ATP9B: variants seen among roughly 807,000 people sequenced by gnomAD.
The protein encoded by ATP9B is probable phospholipid-transporting ATPase IIB.
ATP9B carries 110 observed loss-of-function variants against 146.1 expected under a neutral mutation model. The ratio of observed to expected loss-of-function variants is 0.75; its 90% CI spans 0.65 to 0.88. ATP9B has a LOEUF of 0.88. Ranked by LOEUF, ATP9B falls within the 40% of genes least tolerant of loss-of-function variation. The probability of loss-of-function intolerance (pLI) is 0.00; values close to 1 mark genes in which losing one functional copy is unlikely to be tolerated. For missense variants in ATP9B, 1,499 were observed against 1,496.4 expected (o/e 1.00, Z -0.03); for synonymous variants, 604 against 569.7 (o/e 1.06, Z -0.86).
At chr18:79,295,890 C>G (rs899592123) in intron 13 of ATP9B, among the ~76,000 whole-genome samples, 1 of 152,222 alleles carries the variant, frequency 6.6e-6, no homozygotes, top group Non-Finnish European at 1.5e-5. Context: ...ACCAAATCTC[C>G]TGGTGCCTCA....
At chr18:79,252,797 CTTTTTTT>C (rs58656067) in intron 11 of ATP9B, among the ~76,000 whole-genome samples, 1 of 137,442 alleles carries the variant, frequency 7.3e-6, no homozygotes, top group Non-Finnish European at 1.6e-5. Context: ...CTAACTATTG[CTTTTTTT>C]TTTTTTTTTT....
Position 79,348,205 on chromosome 18 carries a change from C to T in ATP9B, c.2903+9C>T, listed in dbSNP as rs752597707. 1.4e-6 allele frequency: 2 copies of T among 1,462,858 alleles called. No individual in the cohort carries two copies. The highest frequency in any genetic ancestry group is 1.9e-6 in the Non-Finnish European group (2 of 1,068,148). 90.6% of individuals were successfully genotyped at this position (1,462,858 alleles called of 1,614,324 possible). Reference sequence around the variant, plus strand: ...GGCTTCCTCATGGTGGGGTAAGTTACACTCAGAACCTGCCAGCTCATCCAG... The same window carrying T: ...GGCTTCCTCATGGTGGGGTAAGTTATACTCAGAACCTGCCAGCTCATCCAG... On this transcript the variant is annotated intron_variant, in intron 25 of 29. Transcript: ENST00000426216.
intron 13 of ATP9B, among the ~76,000 whole-genome samples, chr18:79,290,617 C>T (rs1009321871): frequency 3.3e-5 from 5 of 152,196 alleles, no homozygotes; most frequent in African/African-American, 1.2e-4. Context: ...ATGCGCTGCA[C>T]CCACTGTCCT....
chr18:79,227,416 C>T (rs896956130), intron 11 of ATP9B, among the ~76,000 whole-genome samples: 5 of 5,250 alleles, frequency 9.5e-4, no homozygotes, highest in African/African-American at 3.9e-3. Context: ...GATGGGTGGG[C>T]GGGTGGGTGG....
chr18:79,237,484 T>C (rs921561819), intron 11 of ATP9B, among the ~76,000 whole-genome samples: 1 of 152,286 alleles, frequency 6.6e-6, no homozygotes, highest in Non-Finnish European at 1.5e-5. Context: ...TCTTTGCTAA[T>C]AATTTTTAAT....
Position 79,360,674 on chromosome 18 carries a change from G to T in ATP9B, c.3012+1212G>T, listed in dbSNP as rs866810867. ...CTTGATGTTATTGAAATGAAATAAAGACTTTAAAGTTTCTTGAAAAAAATA... is the reference window on the plus strand; with the variant it reads ...CTTGATGTTATTGAAATGAAATAAATACTTTAAAGTTTCTTGAAAAAAATA... On this transcript the variant is annotated intron_variant, in intron 26 of 29. Transcript: ENST00000426216. The T allele has an allele frequency of 2.3e-4, 35 of 152,240 alleles. 1 individual carries two copies. The Middle Eastern group carries it at 0.01, about 44-fold the overall frequency. The allele number at this position is 152,240 out of a possible 1,614,324, so 9.4% of individuals were successfully genotyped here.
intron 7 of ATP9B, among the ~76,000 whole-genome samples, chr18:79,158,213 A>G (rs757635020): frequency 6.6e-6 from 1 of 151,154 alleles, no homozygotes; most frequent in Non-Finnish European, 1.5e-5. Context: ...ATTATTTTCT[A>G]ATTTCCCTTG....
chr18:79,282,247 GA>G (rs1176827399), intron 13 of ATP9B, among the ~76,000 whole-genome samples: 1 of 152,218 alleles, frequency 6.6e-6, no homozygotes, highest in African/African-American at 2.4e-5. Flanking sequence ...CAAGGATTTA[GA>G]AGATTCCATA....
At chr18:79,200,790 G>GGGACTGTTGGGGTC (rs1402464696) in intron 9 of ATP9B, among the ~76,000 whole-genome samples, 1 of 152,130 alleles carries the variant, frequency 6.6e-6, no homozygotes, top group Non-Finnish European at 1.5e-5. Context: ...AGTAGTGGTG[G>GGGACTGTTGGGGTC]AATTGTTTTC....
Position 79,329,137 on chromosome 18 carries a change from G to A in ATP9B, c.1774-4G>A, listed in dbSNP as rs758830429. 1.3e-5 allele frequency: 21 copies of A among 1,579,334 alleles called. No homozygotes were observed. Among genetic ancestry groups the A allele is most frequent in the Admixed American group, 7.2e-5 (4 of 55,924 alleles). ...TGGCCTCAGTTGTTGCTGGTCTCCC[G>A]TAGGTCGCTCTGGTGCAGTGGACAG... On this transcript the variant is annotated splice_polypyrimidine_tract_variant and splice_region_variant and intron_variant, in intron 15 of 29. Transcript: ENST00000426216.
chr18:79,304,690 C>T (rs1316279576), intron 14 of ATP9B, among the ~76,000 whole-genome samples: 1 of 152,194 alleles, frequency 6.6e-6, no homozygotes, highest in Non-Finnish European at 1.5e-5. Flanking sequence ...CTGTAGGCAC[C>T]TCAGAGCCAC....
At chr18:79,264,560 C>CT (rs1314042918) in intron 12 of ATP9B, among the ~76,000 whole-genome samples, 1 of 151,574 alleles carries the variant, frequency 6.6e-6, no homozygotes, top group African/African-American at 2.4e-5. Flanking sequence ...TTGGTTATCA[C>CT]TTTTTATGTT....
rs542779037 is a variant in ATP9B at position 79,243,427 on chromosome 18, G to T, written c.1108-9954G>T. Among the ~76,000 whole-genome samples, 42 of 152,328 alleles carry T rather than the reference G, an allele frequency of 2.8e-4. 1 individual carries two copies. Among genetic ancestry groups the T allele is most frequent in the African/African-American group, 1.0e-3 (42 of 41,564 alleles). On this transcript the variant is annotated intron_variant, in intron 11 of 29. Coordinates refer to ENST00000426216, the MANE Select transcript of ATP9B (RefSeq NM_198531.5). ...TGGCTCTTGATTTAAAAATAGTGTTGAGTAGTTTTACATAGTGGTAGGTGC... is the reference window on the plus strand; with the variant it reads ...TGGCTCTTGATTTAAAAATAGTGTTTAGTAGTTTTACATAGTGGTAGGTGC...
At chr18:79,125,939 G>A (rs1264314595) in intron 4 of ATP9B, among the ~76,000 whole-genome samples, 1 of 152,146 alleles carries the variant, frequency 6.6e-6, no homozygotes, top group East Asian at 1.9e-4. Context: ...GTATTTGAAT[G>A]CCCAAGTATT....
intron 1 of ATP9B, chr18:79,095,758 A>G (rs1381485450): frequency 6.6e-6 from 1 of 152,206 alleles, no homozygotes. Context: ...ATTGTTCTCA[A>G]AAAGGTAAGT....
At chr18:79,206,903 G>A in intron 9 of ATP9B, 34 bp from the exon 10 acceptor site, 2 of 1,592,990 alleles carry the variant, frequency 1.3e-6, no homozygotes, top group Non-Finnish European at 1.7e-6. Context: ...ACAATCATTT[G>A]ACGGTTTTGT....
At chr18:79,273,348 C>T (rs370542019) in intron 12 of ATP9B, among the ~76,000 whole-genome samples, 4 of 152,162 alleles carry the variant, frequency 2.6e-5, no homozygotes, top group Admixed American at 2.0e-4. Flanking sequence ...GTTTGGGCGC[C>T]GGCCCTGCCT....
chr18:79,186,290 G>A (rs764821205), intron 8 of ATP9B, among the ~76,000 whole-genome samples: 70 of 152,088 alleles, frequency 4.6e-4, no homozygotes, highest in Non-Finnish European at 7.8e-4. Flanking sequence ...TAAGTAATGC[G>A]AACAAGTGTT....
chr18:79,176,886 G>A lies in ATP9B; in HGVS notation c.852G>A (p.Thr284=), dbSNP rs770032905. The A allele has an allele frequency of 3.0e-5, 48 of 1,613,852 alleles. No individual in the cohort carries two copies. The highest frequency in any genetic ancestry group is 2.0e-4 in the East Asian group (9 of 44,876). ...AGCTGAAGGTGGCAGTGAGCTGCAC[G>A]CAACAGCTGCCGGCTCTGGGGGTGA... ...DWKLKVAVSC[T]QQLPALGDLF... Residue 284 remains threonine, a synonymous_variant, in exon 8 of 30, where the codon ACG becomes ACA. Coordinates refer to ENST00000426216, the MANE Select transcript of ATP9B (RefSeq NM_198531.5).
Sources: gnomAD v4.1 joint callset for allele counts (sites outside exome capture counted in the v4.1 genomes callset) on GRCh38, gnomAD v4.1.1 for gene constraint, MANE v1.5 for transcripts, NCBI Gene and HGNC (gene_info 2026-07-23, HGNC 2026-07-21) for gene names.